The following COL5A3 variants were observed in gnomAD, a reference collection of about 807,000 sequenced individuals.
COL5A3 encodes the protein collagen type V alpha 3 chain, also known as collagen alpha-3(V) chain.
Under a neutral mutation model 250.0 loss-of-function variants are expected in COL5A3, and 172 were observed. That is an observed-to-expected ratio of 0.69 (90% CI 0.61 to 0.78). COL5A3 has a LOEUF of 0.78. Among genes scored for constraint, COL5A3 ranks in the 30% least tolerant of loss-of-function variants. The pLI, the probability that COL5A3 is intolerant of heterozygous loss-of-function variation, is 0.00. For synonymous variants in COL5A3, 937 were observed against 900.4 expected (o/e 1.04, Z -0.73); for missense variants, 2,340 against 2,334.4 (o/e 1.00, Z -0.05).
chr19:9,978,908 CT>C lies in COL5A3; in HGVS notation c.2946del (p.Gly984AlafsTer10). ...PAGLRGFPGP[K>X]GGPGDPGPTG... is the part of the protein sequence containing the mutation. ...ATACTCACCGGGTCCCCAGGGCCCC[CT>C]TTGGGGCCGGGAAAGCCCCTGAGTC... is the stretch of plus-strand genomic sequence containing the variant. On this transcript the variant is annotated frameshift_variant, in exon 40 of 67. Transcript: ENST00000264828. LOFTEE classifies it high-confidence loss of function. The C allele has an allele frequency of 6.7e-7, 1 of 1,489,598 alleles. No individual in the cohort carries two copies. The highest frequency in any genetic ancestry group is 2.5e-5 in the Admixed American group (1 of 39,986). 92.3% of individuals were successfully genotyped at this position (1,489,598 alleles called of 1,614,324 possible). A position where few individuals can be genotyped will look rare whatever the true frequency, so the allele number is the denominator to read the frequency against.
In COL5A3 at chr19:9,968,099, T is replaced by C. The variant is rs777372677; in HGVS notation, c.4315-20A>G. 3.8e-6 allele frequency: 6 copies of C among 1,585,154 alleles called. No homozygotes were observed. In the East Asian group the frequency reaches 6.7e-5, roughly 18 times the overall value. Reference sequence around the variant, plus strand: ...GGGACCCTAGGAAAAGGACATCGGGTCAGTATTGGTGGGGTACACCCTATT... The same window carrying C: ...GGGACCCTAGGAAAAGGACATCGGGCCAGTATTGGTGGGGTACACCCTATT... On this transcript the variant is annotated intron_variant, in intron 59 of 66. Coordinates refer to ENST00000264828, the MANE Select transcript of COL5A3 (RefSeq NM_015719.4). The surrounding 1 kb of genome is among the most constrained non-coding windows in gnomAD (Gnocchi z 4.1).
intron 54 of COL5A3, among the ~76,000 whole-genome samples, chr19:9,970,352 T>TAA (rs1568407674): frequency 1.7e-4 from 8 of 47,010 alleles, no homozygotes; most frequent in African/African-American, 6.4e-4. Context: ...GTGTGTTCTG[T>TAA]GGCTGAGTGG....
At chr19:9,983,116 C>T (rs1353588626) in intron 31 of COL5A3, among the ~76,000 whole-genome samples, 1 of 151,998 alleles carries the variant, frequency 6.6e-6, no homozygotes, top group Non-Finnish European at 1.5e-5. Flanking sequence ...CTACCTCAGC[C>T]TCTGAAAGTG....
chr19:9,980,622 A>T lies in COL5A3; in HGVS notation c.2604+26T>A, dbSNP rs765122404. ...CTCTCTCACACACACACACATTCAC[A>T]CACACACACACACACACACACTCAC... On this transcript the variant is annotated intron_variant, in intron 35 of 66. Coordinates refer to ENST00000264828, the MANE Select transcript of COL5A3 (RefSeq NM_015719.4). 14 of 978,578 alleles carry T rather than the reference A, an allele frequency of 1.4e-5. No homozygotes were observed. Among genetic ancestry groups the T allele is most frequent in the Non-Finnish European group, 2.0e-5 (14 of 708,406 alleles). The allele number at this position is 978,578 out of a possible 1,614,324, so 60.6% of individuals were successfully genotyped here.
At chr19:9,980,560 C>T in intron 35 of COL5A3, 88 bp downstream of exon 35, 2 of 1,533,098 alleles carry the variant, frequency 1.3e-6, no homozygotes, top group South Asian at 2.4e-5. Flanking sequence ...TATAATGTCT[C>T]TTCATCTCTT....
chr19:9,960,494 G>A lies in COL5A3; in HGVS notation c.5155C>T (p.Leu1719=). The A allele has an allele frequency of 1.2e-6, 2 of 1,614,202 alleles. No homozygotes were observed. Among genetic ancestry groups the A allele is most frequent in the East Asian group, 2.2e-5 (1 of 44,882 alleles). Residue 1719 remains leucine (L), a synonymous_variant, in exon 67 of 67, where the codon CTG becomes TTG. Transcript: ENST00000264828. ...FSSSRAGFLP[L]WDVAATDFGQ... ...AAGTCAGTGGCCGCCACATCCCACA[G>A]GGGCAGAAATCCCGCTCGAGAAGAG...
In COL5A3 at chr19:10,001,547, G is replaced by A. The variant is rs138200641; in HGVS notation, c.1087C>T (p.Arg363Trp). The A allele has an allele frequency of 1.6e-4, 258 of 1,614,048 alleles. No individual in the cohort carries two copies. The African/African-American group carries it at 2.5e-3, about 16-fold the overall frequency. The change falls in exon 8 of 67, where the codon CGG becomes TGG. Residue 363 changes from arginine to tryptophan, a missense_variant. By Grantham distance (101) the Arg-to-Trp change is moderately radical. Coordinates refer to ENST00000264828, the MANE Select transcript of COL5A3 (RefSeq NM_015719.4). ...ACAGGAAAGATCTGGAACTGAGTCC[G>A]AGATGGATATTCTGCTGCCCGGAAG... ...PDFRAAEYPS[R>W]TQFQIFPGAG... is the part of the protein sequence containing the mutation.
rs138832000 is a variant in COL5A3, at chr19:9,986,577, G to A, written c.2220C>T (p.Gly740=). The stretch of plus-strand genomic sequence containing the variant: ...CCTGATCACCTTTGAGCCCCACATC[G>A]CCCTTGAAGCCTGGGAAGCCGTCCT... ...KGEDGFPGFK[G]DVGLKGDQGK... is the part of the protein sequence containing the mutation. The change falls in exon 29 of 67, where the codon GGC becomes GGT. Residue 740 remains glycine (G), a synonymous_variant. Coordinates refer to ENST00000264828, the MANE Select transcript of COL5A3 (RefSeq NM_015719.4). The A allele has an allele frequency of 2.4e-5, 39 of 1,613,224 alleles. No homozygotes were observed. The highest frequency in any genetic ancestry group is 1.6e-4 in the Middle Eastern group (1 of 6,084).
intron 61 of COL5A3, 82 bp downstream of exon 61, chr19:9,967,822 G>T: frequency 7.4e-7 from 1 of 1,356,770 alleles, no homozygotes; most frequent in Admixed American, 2.2e-5. Context: ...AATAAATGAA[G>T]GCAGAGACGT....
chr19:9,981,162 AAG>A (rs1351493550), intron 32 of COL5A3, 30 bp from the exon 33 acceptor site: 1 of 1,611,314 alleles, frequency 6.2e-7, no homozygotes, highest in South Asian at 1.1e-5. Context: ...GAGAAAGCAG[AAG>A]AGAGTTAGGG....
intron 64 of COL5A3, among the ~76,000 whole-genome samples, chr19:9,965,106 T>G (rs1043688399): frequency 1.7e-4 from 26 of 151,678 alleles, no homozygotes; most frequent in African/African-American, 5.6e-4. Flanking sequence ...AGTATCTGAA[T>G]TGCACAGCCA....
intron 24 of COL5A3, among the ~76,000 whole-genome samples, chr19:9,989,844 T>C (rs1467801995): frequency 6.6e-6 from 1 of 152,122 alleles, no homozygotes; most frequent in Non-Finnish European, 1.5e-5. Context: ...CTCAGCTCAC[T>C]GCAACCTCTT....
chr19:9,980,008 G>A lies in COL5A3; in HGVS notation c.2644C>T (p.Pro882Ser), dbSNP rs764929083. The A allele has an allele frequency of 6.3e-7, 1 of 1,588,046 alleles. No individual in the cohort carries two copies. Among genetic ancestry groups the A allele is most frequent in the Non-Finnish European group, 8.5e-7 (1 of 1,173,236 alleles). The change falls in exon 36 of 67, where the codon CCA (proline) becomes TCA (serine). Residue 882 changes from proline to serine, a missense_variant. Physicochemically the swap from Pro to Ser is moderately conservative, Grantham distance 74. Transcript: ENST00000264828. Reference protein sequence around the residue: ...GLQGPPGFPGPKGPPGHQGKD... With the variant: ...GLQGPPGFPGSKGPPGHQGKD... The stretch of plus-strand genomic sequence containing the variant: ...ACCTCACTCACAGGGGGGCCCTTTG[G>A]CCCAGGGAATCCTGGAGGGCCTTGC...
chr19:9,967,075 G>A (rs892501646), intron 62 of COL5A3, among the ~76,000 whole-genome samples: 3 of 152,068 alleles, frequency 2.0e-5, no homozygotes, highest in Non-Finnish European at 4.4e-5. Context: ...GACAGATAAG[G>A]GAGATGGACA....
At chr19:10,002,301 G>C (rs1217488309) in intron 6 of COL5A3, among the ~76,000 whole-genome samples, 3 of 151,904 alleles carry the variant, frequency 2.0e-5, no homozygotes, top group Non-Finnish European at 4.4e-5. Flanking sequence ...GGAAGAGGGT[G>C]GTGGGGTCCC....
intron 54 of COL5A3, among the ~76,000 whole-genome samples, chr19:9,970,405 TGG>T (rs1430127322): frequency 2.1e-5 from 1 of 46,804 alleles, no homozygotes; most frequent in African/African-American, 1.1e-4. Flanking sequence ...GTGGGGTCTG[TGG>T]GGTGAGTGGG....
intron 31 of COL5A3, among the ~76,000 whole-genome samples, chr19:9,983,538 AAGAAAGAAAG>A (rs2087040177): frequency 6.1e-5 from 1 of 16,286 alleles, no homozygotes; most frequent in Non-Finnish European, 1.4e-4. Flanking sequence ...AGAAGAAAGA[AAGAAAGAAAG>A]AAAGAAAGAA....
At chr19:9,963,934 C>T (rs766642287) in intron 64 of COL5A3, among the ~76,000 whole-genome samples, 36 of 151,960 alleles carry the variant, frequency 2.4e-4, no homozygotes, top group Non-Finnish European at 4.0e-4. Context: ...TTTGGGAGGC[C>T]GAGATGGGTG....
At chr19:9,970,476 G>GGGTGAGTGGGGTCTGT (rs2086827632) in intron 54 of COL5A3, 146 bp downstream of exon 54, 1 of 355,696 alleles carries the variant, frequency 2.8e-6, no homozygotes, top group Non-Finnish European at 4.8e-6. Context: ...TGGGGTCTGT[G>GGGTGAGTGGGGTCTGT]GGGTGAGTGG....
Sources: gnomAD v4.1 joint callset for allele counts (sites outside exome capture counted in the v4.1 genomes callset) on GRCh38, gnomAD v4.1.1 for gene constraint, Gnocchi (gnomAD v3.1) non-coding constraint, MANE v1.5 for transcripts, NCBI Gene and HGNC (gene_info 2026-07-23, HGNC 2026-07-21) for gene names.